Variants in ABCA13 observed in about 807,000 individuals in gnomAD.
The protein encoded by ABCA13 is ATP-binding cassette sub-family A member 13.
A neutral mutation model predicts 478.7 loss-of-function variants in ABCA13; 476 were observed. The ratio of observed to expected loss-of-function variants is 0.99; its 90% confidence interval spans 0.92 to 1.07. ABCA13 has a LOEUF of 1.07. ABCA13 is among the 50% of genes least tolerant of loss of function. The probability of loss-of-function intolerance (pLI) is 0.00; values close to 1 mark genes in which losing one functional copy is unlikely to be tolerated. For synonymous variants in ABCA13, 2,252 were observed against 2,158.9 expected (o/e 1.04, Z -1.20); for missense variants, 6,060 against 5,910.6 (o/e 1.03, Z -0.83).
At chr7:48,323,343 T>C (rs1226596607) in intron 27 of ABCA13, among the ~76,000 whole-genome samples, 2 of 152,218 alleles carry the variant, frequency 1.3e-5, no homozygotes, top group Non-Finnish European at 2.9e-5. Flanking sequence ...ATAATAATTA[T>C]TTGGCTCTTG....
At chr7:48,417,382 T>C (rs541700997) in intron 41 of ABCA13, among the ~76,000 whole-genome samples, 1 of 152,306 alleles carries the variant, frequency 6.6e-6, no homozygotes, top group South Asian at 2.1e-4. Context: ...CATATCTTCT[T>C]CAACCCATGG....
chr7:48,478,887 G>A (rs1828437724), intron 45 of ABCA13, among the ~76,000 whole-genome samples: 1 of 151,892 alleles, frequency 6.6e-6, no homozygotes, highest in African/African-American at 2.4e-5. Context: ...TGTTTTCTGA[G>A]CCCCAACGTT....
intron 2 of ABCA13, among the ~76,000 whole-genome samples, chr7:48,198,033 C>T (rs1010547707): frequency 9.9e-5 from 15 of 152,092 alleles, no homozygotes; most frequent in African/African-American, 3.4e-4. Flanking sequence ...AACATGAGTA[C>T]TGACCCTGGA....
At chr7:48,620,092 A>C (rs1014239760) in intron 59 of ABCA13, among the ~76,000 whole-genome samples, 1 of 152,176 alleles carries the variant, frequency 6.6e-6, no homozygotes, top group Non-Finnish European at 1.5e-5. Context: ...ATTAGCATCC[A>C]TGATGCAGTC....
At chr7:48,248,110 A>G in intron 13 of ABCA13, 129 bp from the exon 14 acceptor site, 1 of 702,328 alleles carries the variant, frequency 1.4e-6, no homozygotes, top group Non-Finnish European at 2.3e-6. Context: ...ACCATGCCAT[A>G]GGGCACGATC....
At position 48,615,284 on chromosome 7, in the gene ABCA13, G is replaced by T; in HGVS notation, c.14745-1G>T. The T allele has an allele frequency of 1.3e-6, 2 of 1,531,928 alleles. No homozygotes were observed. Among genetic ancestry groups the T allele is most frequent in the South Asian group, 1.3e-5 (1 of 77,654 alleles). 94.9% of individuals were successfully genotyped at this position (1,531,928 alleles called of 1,614,324 possible). On this transcript the variant is annotated splice_acceptor_variant, in intron 58 of 61. Transcript: ENST00000435803. LOFTEE classifies it high-confidence loss of function. ...TTTTTGTCTCTTTTCCTTCTTTACA[G>T]CATGGAGGAGTGTGAGGCTCTTTGC...
chr7:48,398,776 G>A (rs1585153937), intron 38 of ABCA13, among the ~76,000 whole-genome samples: 1 of 152,166 alleles, frequency 6.6e-6, no homozygotes, highest in East Asian at 1.9e-4. Flanking sequence ...TGAGATCATT[G>A]AGGGCATAAG....
intron 26 of ABCA13, among the ~76,000 whole-genome samples, chr7:48,314,848 C>T (rs531645362): frequency 2.0e-5 from 3 of 152,012 alleles, no homozygotes; most frequent in Admixed American, 6.6e-5. Context: ...TAGGTACAAA[C>T]GAATATGTCA....
intron 27 of ABCA13, among the ~76,000 whole-genome samples, chr7:48,318,722 A>T (rs1180478978): frequency 1.3e-5 from 2 of 152,016 alleles, no homozygotes; most frequent in African/African-American, 4.8e-5. Flanking sequence ...CCATTACTCG[A>T]ATTTCCTTAG....
intron 56 of ABCA13, among the ~76,000 whole-genome samples, chr7:48,583,775 T>G (rs944601888): frequency 6.6e-6 from 1 of 152,246 alleles, no homozygotes; most frequent in African/African-American, 2.4e-5. Context: ...GCTAAGGCAT[T>G]GCTTTTGCCA....
chr7:48,344,285 C>T (rs897627848), intron 29 of ABCA13, among the ~76,000 whole-genome samples: 1 of 152,200 alleles, frequency 6.6e-6, no homozygotes, highest in African/African-American at 2.4e-5. Context: ...CAGCCCTCCA[C>T]AGCAAGGAAT....
At chr7:48,618,164 A>G (rs1792779660) in intron 59 of ABCA13, among the ~76,000 whole-genome samples, 1 of 152,120 alleles carries the variant, frequency 6.6e-6, no homozygotes, top group Non-Finnish European at 1.5e-5. Context: ...CCCAATCTGC[A>G]GGTGGCACTG....
intron 59 of ABCA13, among the ~76,000 whole-genome samples, chr7:48,619,600 G>A (rs574341525): frequency 2.6e-4 from 39 of 152,262 alleles, no homozygotes; most frequent in African/African-American, 8.7e-4. Context: ...GAGTGAGTCC[G>A]GCACATGCCC....
At chr7:48,404,625 C>T (rs1818022962) in intron 39 of ABCA13, 1 of 152,228 alleles carries the variant, frequency 6.6e-6, no homozygotes, top group Non-Finnish European at 1.5e-5. Flanking sequence ...GTCTCCATTT[C>T]CCTGGAGGTG....
intron 59 of ABCA13, among the ~76,000 whole-genome samples, chr7:48,626,393 C>T (rs984197188): frequency 3.3e-5 from 5 of 151,918 alleles, no homozygotes; most frequent in Non-Finnish European, 7.4e-5. Flanking sequence ...CAGAGATGAA[C>T]AATGTAAACC....
intron 31 of ABCA13, among the ~76,000 whole-genome samples, chr7:48,353,703 T>A (rs1809423795): frequency 6.6e-6 from 1 of 151,772 alleles, no homozygotes; most frequent in African/African-American, 2.4e-5. Flanking sequence ...ACACATTTTT[T>A]ATGAAAATGC....
chr7:48,218,070 A>G (rs939622406), intron 3 of ABCA13, among the ~76,000 whole-genome samples: 4 of 152,196 alleles, frequency 2.6e-5, no homozygotes, highest in African/African-American at 9.6e-5. Flanking sequence ...TGCTATAAAC[A>G]TTTCTCATGT....
At chr7:48,307,839 C>T (rs1801144040) in intron 23 of ABCA13, among the ~76,000 whole-genome samples, 2 of 152,040 alleles carry the variant, frequency 1.3e-5, no homozygotes, top group South Asian at 4.1e-4. Flanking sequence ...CGCCACCATA[C>T]CCAACTAATT....
chr7:48,430,209 TATTTA>T (rs1352817549), intron 42 of ABCA13, among the ~76,000 whole-genome samples: 1 of 152,200 alleles, frequency 6.6e-6, no homozygotes, highest in African/African-American at 2.4e-5. Flanking sequence ...TTAATTCAAA[TATTTA>T]ATTGATGTAG....
Sources: gnomAD v4.1 joint callset for allele counts (sites outside exome capture counted in the v4.1 genomes callset) on GRCh38, gnomAD v4.1.1 for gene constraint, MANE v1.5 for transcripts, NCBI Gene and HGNC (gene_info 2026-07-23, HGNC 2026-07-21) for gene names.